Variants in PDE11A observed in about 807,000 individuals in gnomAD.
PDE11A encodes the protein phosphodiesterase 11A, also known as dual 3',5'-cyclic-AMP and -GMP phosphodiesterase 11A.
PDE11A carries 100 observed loss-of-function variants against 100.5 expected under a neutral mutation model. The observed-to-expected ratio is 1.00, with a 90% CI of 0.85 to 1.18. PDE11A has a LOEUF of 1.18. Ranked by LOEUF, PDE11A falls within the 50% of genes most tolerant of loss-of-function variation. The pLI is 0.00. For missense variants in PDE11A, 1,141 were observed against 1,152.6 expected, an observed-to-expected ratio of 0.99 and a Z score of 0.15; for synonymous variants, 381 against 420.8, an observed-to-expected ratio of 0.91 and a Z score of 1.16.
chr2:177,731,116 T>G (rs1325624035), intron 10 of PDE11A, among the ~76,000 whole-genome samples: 2 of 152,214 alleles, frequency 1.3e-5, no homozygotes, highest in Non-Finnish European at 2.9e-5. Flanking sequence ...ATGACAGGTT[T>G]TCTTTTTTTT....
chr2:177,795,969 A>ATATATATATATATC (rs1266754648), intron 9 of PDE11A, among the ~76,000 whole-genome samples: 1 of 119,678 alleles, frequency 8.4e-6, no homozygotes, highest in Non-Finnish European at 1.7e-5. Flanking sequence ...ATATATATAT[A>ATATATATATATATC]TATATATCTT....
At chr2:177,693,964 T>C (rs2081076194) in intron 15 of PDE11A, among the ~76,000 whole-genome samples, 2 of 152,240 alleles carry the variant, frequency 1.3e-5, no homozygotes, top group African/African-American at 2.4e-5. Context: ...CTAGGGATTG[T>C]TCTGGCTAAA....
chr2:177,770,473 G>A (rs1190453736), intron 9 of PDE11A, among the ~76,000 whole-genome samples: 1 of 152,248 alleles, frequency 6.6e-6, no homozygotes, highest in African/African-American at 2.4e-5. Flanking sequence ...CTGCAGCTGG[G>A]GTGGTCCTAT....
intron 3 of PDE11A, among the ~76,000 whole-genome samples, chr2:177,902,459 A>G (rs1216508977): frequency 6.6e-6 from 1 of 152,292 alleles, no homozygotes; most frequent in East Asian, 1.9e-4. Context: ...ACAATATCCA[A>G]TTCAACAGAT....
intron 2 of PDE11A, among the ~76,000 whole-genome samples, chr2:177,980,112 A>G (rs937454114): frequency 6.6e-5 from 10 of 150,398 alleles, no homozygotes; most frequent in Non-Finnish European, 1.2e-4. Context: ...AAAAGTTTCA[A>G]ACCTACTGCT....
chr2:177,783,128 TATA>T (rs141508924), intron 9 of PDE11A, among the ~76,000 whole-genome samples: 1,720 of 152,250 alleles, frequency 0.011, 38 homozygotes, highest in African/African-American at 0.034. Flanking sequence ...TATTCAAATG[TATA>T]ATAACACAAT....
At chr2:177,782,346 T>C (rs1347001287) in intron 9 of PDE11A, among the ~76,000 whole-genome samples, 3 of 152,198 alleles carry the variant, frequency 2.0e-5, no homozygotes, top group South Asian at 2.1e-4. Context: ...GTTTAAACCA[T>C]TAAGTTGCCA....
intron 10 of PDE11A, among the ~76,000 whole-genome samples, chr2:177,764,271 A>G (rs550965213): frequency 6.6e-6 from 1 of 152,300 alleles, no homozygotes; most frequent in East Asian, 1.9e-4. Context: ...AATATGTATG[A>G]GGTAGTCCAA....
At chr2:177,649,233 C>T (rs1338905478) in intron 19 of PDE11A, among the ~76,000 whole-genome samples, 1 of 152,108 alleles carries the variant, frequency 6.6e-6, no homozygotes, top group African/African-American at 2.4e-5. Context: ...ATCTCAAATG[C>T]TTATATGCCA....
intron 2 of PDE11A, among the ~76,000 whole-genome samples, chr2:177,960,063 C>A (rs906494769): frequency 6.6e-6 from 1 of 152,094 alleles, no homozygotes; most frequent in African/African-American, 2.4e-5. Flanking sequence ...CACCTCCTGG[C>A]AGGATTGATG....
intron 6 of PDE11A, among the ~76,000 whole-genome samples, chr2:177,820,716 T>G (rs767954759): frequency 3.9e-5 from 6 of 151,994 alleles, no homozygotes; most frequent in Non-Finnish European, 8.8e-5. Context: ...TGTTTGTGCC[T>G]ATAATGCTGT....
At chr2:177,892,313 G>T (rs1317863031) in intron 4 of PDE11A, among the ~76,000 whole-genome samples, 1 of 151,654 alleles carries the variant, frequency 6.6e-6, no homozygotes, top group South Asian at 2.1e-4. Flanking sequence ...TTTCCAAATT[G>T]CCAGCCATTT....
intron 1 of PDE11A, among the ~76,000 whole-genome samples, chr2:178,057,367 G>A (rs895926436): frequency 1.3e-5 from 2 of 152,160 alleles, no homozygotes; most frequent in African/African-American, 4.8e-5. Flanking sequence ...TGTGCTCTTG[G>A]TTCTTCAGGG....
intron 1 of PDE11A, among the ~76,000 whole-genome samples, chr2:178,047,742 T>G (rs1165622938): frequency 6.6e-6 from 1 of 152,140 alleles, no homozygotes; most frequent in East Asian, 1.9e-4. Flanking sequence ...GATTATTTTG[T>G]AAGGTTTCTC....
At chr2:177,675,636 C>T (rs1247652822) in intron 16 of PDE11A, 118 bp from the exon 17 acceptor site, 2 of 784,158 alleles carry the variant, frequency 2.6e-6, no homozygotes. Context: ...CTCACATCTT[C>T]CTTTCCTCAA....
intron 1 of PDE11A, among the ~76,000 whole-genome samples, chr2:178,048,137 T>C (rs916598944): frequency 6.6e-6 from 1 of 152,120 alleles, no homozygotes; most frequent in Admixed American, 6.5e-5. Context: ...AATGGTGACT[T>C]GAATCAGAGT....
At chr2:177,686,254 C>T (rs141411728) in intron 15 of PDE11A, among the ~76,000 whole-genome samples, 47 of 152,274 alleles carry the variant, frequency 3.1e-4, no homozygotes, top group African/African-American at 9.9e-4. Flanking sequence ...AACTCATCAA[C>T]TTGTATAATT....
chr2:177,901,842 G>T (rs1046418697), intron 3 of PDE11A, among the ~76,000 whole-genome samples: 5 of 152,154 alleles, frequency 3.3e-5, no homozygotes, highest in African/African-American at 1.2e-4. Context: ...TCAATTTGTT[G>T]TGATTGCATG....
At chr2:177,884,675 A>G (rs547977147) in intron 4 of PDE11A, among the ~76,000 whole-genome samples, 1 of 152,320 alleles carries the variant, frequency 6.6e-6, no homozygotes, top group Non-Finnish European at 1.5e-5. Flanking sequence ...ACAACTACCA[A>G]TGTTTTGAAT....
Sources: gnomAD v4.1 joint callset for allele counts (sites outside exome capture counted in the v4.1 genomes callset) on GRCh38, gnomAD v4.1.1 for gene constraint, MANE v1.5 for transcripts, NCBI Gene and HGNC (gene_info 2026-07-23, HGNC 2026-07-21) for gene names.